Variants in TRPM2 observed in about 807,000 individuals in gnomAD.
TRPM2 encodes the protein estrogen-responsive element-associated gene 1 protein.
A neutral mutation model predicts 174.0 loss-of-function variants in TRPM2; 161 were observed. The ratio of observed to expected loss-of-function variants is 0.93; its 90% CI spans 0.81 to 1.05. The LOEUF is 1.05. TRPM2 is among the 50% of genes least tolerant of loss of function. The pLI, the probability that TRPM2 is intolerant of heterozygous loss-of-function variation, is 0.00. For synonymous variants in TRPM2, 954 were observed against 861.3 expected (o/e 1.11, Z -1.88); for missense variants, 2,057 against 2,038.0 (o/e 1.01, Z -0.18).
In TRPM2 at chr21:44,399,513, G is replaced by T; in HGVS notation, c.2208+72G>T. 1 of 1,536,914 alleles carries T rather than the reference G, an allele frequency of 6.5e-7. No individual in the cohort carries two copies. Among genetic ancestry groups the T allele is most frequent in the Non-Finnish European group, 8.8e-7 (1 of 1,141,614 alleles). ...GCAGGGCGGACACAGCCTCCTGTTC[G>T]TGCAGTTGGCACGCACACTCACACA... On this transcript the variant is annotated intron_variant, in intron 14 of 31. Transcript: ENST00000397928. This position sits in a 1 kb window ranked among gnomAD's most constrained non-coding sequence, Gnocchi z 4.6.
At chr21:44,400,820 C>A (rs2049592928) in intron 15 of TRPM2, among the ~76,000 whole-genome samples, 1 of 152,242 alleles carries the variant, frequency 6.6e-6, no homozygotes, top group African/African-American at 2.4e-5. Flanking sequence ...GAGGACACGG[C>A]TGGCCATGGT....
In TRPM2 at chr21:44,381,572, A is replaced by AGATG. The variant is rs776756954; in HGVS notation, c.1216-1130_1216-1127dup. 3.3e-5 allele frequency among the ~76,000 whole-genome samples: 5 copies of AGATG among 151,420 alleles called. No homozygotes were observed. In the East Asian group the frequency reaches 7.8e-4, roughly 24 times the overall value. On this transcript the variant is annotated intron_variant, in intron 8 of 31. Transcript: ENST00000397928. ...TGGGTAGCTAGATGATAGGTAGATT[A>AGATG]GATGGATGGATGGATGGATAGATAG... is the stretch of plus-strand genomic sequence containing the variant.
chr21:44,434,268 C>T lies in TRPM2; in HGVS notation c.3975-863C>T, dbSNP rs560325286. ...GTGGGGACGGTGGCGGGGACGCTGG[C>T]GGGGACTGTGGCAGAGACGCTGGCA... On this transcript the variant is annotated intron_variant, in intron 27 of 31. Transcript: ENST00000397928. Among the ~76,000 whole-genome samples the T allele has an allele frequency of 1.9e-4, 29 of 151,010 alleles. No individual in the cohort carries two copies. The South Asian group carries it at 2.3e-3, about 12-fold the overall frequency.
chr21:44,424,120 C>T (rs753960400), intron 23 of TRPM2, among the ~76,000 whole-genome samples: 7 of 152,088 alleles, frequency 4.6e-5, no homozygotes, highest in Non-Finnish European at 8.8e-5. Flanking sequence ...CTCCCACCAC[C>T]CCATCAACGT....
Position 44,441,907 on chromosome 21 carries a change from T to C in TRPM2, c.*90T>C, listed in dbSNP as rs1055540. ...TCCTGAGCCTGGCCAGGACTCAGGC[T>C]GTTCCTGGGCCCTGCACATGATGGG... On this transcript the variant is annotated 3_prime_UTR_variant, in exon 32 of 32. Transcript: ENST00000397928. 335,206 of 1,462,614 alleles carry C rather than the reference T, an allele frequency of 0.23. 40,446 individuals are homozygous for C. Among genetic ancestry groups the C allele is most frequent in the East Asian group, 0.37 (14,970 of 40,542 alleles). 90.6% of individuals were successfully genotyped at this position (1,462,614 alleles called of 1,614,324 possible). A position where few individuals can be genotyped will look rare whatever the true frequency, so the allele number is the denominator to read the frequency against.
In TRPM2 at chr21:44,379,053, C is replaced by T; in HGVS notation, c.1071C>T (p.Gly357=). ...CCTGTGTGGTTGTGGAGGGCTCGGG[C>T]CGCGTGGCCGACGTCATTGCCCAGG... ...GTPCVVVEGS[G]RVADVIAQVA... Residue 357 remains glycine, a synonymous_variant, in exon 8 of 32, where the codon GGC becomes GGT. Coordinates refer to ENST00000397928, the MANE Select transcript of TRPM2 (RefSeq NM_003307.4). 1 of 1,611,318 alleles carries T rather than the reference C, an allele frequency of 6.2e-7. No individual in the cohort carries two copies. Among genetic ancestry groups the T allele is most frequent in the Non-Finnish European group, 8.5e-7 (1 of 1,179,992 alleles).
chr21:44,415,376 A>G (rs571548471), intron 20 of TRPM2: 1 of 152,302 alleles, frequency 6.6e-6, no homozygotes, highest in African/African-American at 2.4e-5. Context: ...CGACATCATC[A>G]TGAGGGGCCG....
At position 44,379,185 on chromosome 21, in the gene TRPM2, G is replaced by A; in HGVS notation, c.1203G>A (p.Glu401=). 1 of 1,613,020 alleles carries A rather than the reference G, an allele frequency of 6.2e-7. No homozygotes were observed. Among genetic ancestry groups the A allele is most frequent in the Non-Finnish European group, 8.5e-7 (1 of 1,180,032 alleles). ...FETFTESRIV[E]WTKKIQDIVR... Reference sequence around the variant, plus strand: ...CCTTCACGGAAAGCAGGATTGTCGAGTGGACCAAAAAGGTGAGGCTGACGG... The same window carrying A: ...CCTTCACGGAAAGCAGGATTGTCGAATGGACCAAAAAGGTGAGGCTGACGG... The change falls in exon 8 of 32, where the codon GAG becomes GAA. Residue 401 remains glutamate, a synonymous_variant. Transcript: ENST00000397928.
intron 29 of TRPM2, among the ~76,000 whole-genome samples, chr21:44,437,370 G>A (rs1175360324): frequency 1.3e-5 from 2 of 152,192 alleles, no homozygotes; most frequent in African/African-American, 4.8e-5. Context: ...GGAAAACCCA[G>A]GATCAGAGGA....
intron 12 of TRPM2, among the ~76,000 whole-genome samples, chr21:44,396,549 G>C (rs1453197455): frequency 7.3e-5 from 2 of 27,392 alleles, no homozygotes; most frequent in East Asian, 1.3e-3. Flanking sequence ...CTGTGGAGGG[G>C]TGTGGAGGCT....
At chr21:44,435,882 C>T (rs1045552937) in intron 28 of TRPM2, among the ~76,000 whole-genome samples, 2 of 143,754 alleles carry the variant, frequency 1.4e-5, no homozygotes, top group African/African-American at 5.2e-5. Flanking sequence ...CACGGGGACA[C>T]AGCCCCACAC....
chr21:44,426,263 G>A (rs1053656910), intron 25 of TRPM2, among the ~76,000 whole-genome samples: 11 of 152,010 alleles, frequency 7.2e-5, no homozygotes, highest in African/African-American at 2.7e-4. Context: ...GGAGACCCCC[G>A]CCCTCCTGGT....
intron 13 of TRPM2, among the ~76,000 whole-genome samples, chr21:44,398,206 G>GTTTTTTTTTTTTTTTTTTTT (rs34051764): frequency 9.0e-5 from 13 of 144,768 alleles, no homozygotes; most frequent in African/African-American, 3.5e-4. Flanking sequence ...TTTGGAGACT[G>GTTTTTTTTTTTTTTTTTTTT]TTTTTTTTTT....
chr21:44,425,855 C>T (rs563521841), intron 25 of TRPM2, 28 bp downstream of exon 25: 316 of 1,523,554 alleles, frequency 2.1e-4, no homozygotes, highest in African/African-American at 2.8e-4. Context: ...CCCAACCAGG[C>T]GGAGTGGCCG....
rs943907222 is a variant in TRPM2 at position 44,354,299 on chromosome 21, G to T, written c.166-349G>T. On this transcript the variant is annotated intron_variant, in intron 1 of 31. Transcript: ENST00000397928. This position sits in a 1 kb window ranked among gnomAD's most constrained non-coding sequence, Gnocchi z 4.3. Reference sequence around the variant, plus strand: ...TTGCCAGGCAGGCAGGAGGGTGGCTGCCCTTTTTCCGATGGTGCAAGATCC... The same window carrying T: ...TTGCCAGGCAGGCAGGAGGGTGGCTTCCCTTTTTCCGATGGTGCAAGATCC... 6.6e-6 allele frequency among the ~76,000 whole-genome samples: 1 copy of T among 152,178 alleles called. No homozygotes were observed. Among genetic ancestry groups the T allele is most frequent in the Admixed American group, 6.5e-5 (1 of 15,276 alleles).
Position 44,418,117 on chromosome 21 carries a change from G to A in TRPM2, c.3328+9G>A, listed in dbSNP as rs2050379285. The stretch of plus-strand genomic sequence containing the variant: ...GAGGCACAAGCAGCTCAGTATGCCA[G>A]CCCCAGTGCCTCTCCTGAATGTCCT... On this transcript the variant is annotated intron_variant, in intron 21 of 31. Transcript: ENST00000397928. 6.2e-7 allele frequency: 1 copy of A among 1,604,586 alleles called. No individual in the cohort carries two copies. The highest frequency in any genetic ancestry group is 8.5e-7 in the Non-Finnish European group (1 of 1,175,160).
chr21:44,390,776 G>A, intron 9 of TRPM2, 128 bp from the exon 10 acceptor site: 1 of 1,288,488 alleles, frequency 7.8e-7, no homozygotes, highest in Non-Finnish European at 1.1e-6. Flanking sequence ...ACTGGGTGCT[G>A]CGCCTGTCAC....
chr21:44,377,355 C>T (rs566549383), intron 6 of TRPM2, among the ~76,000 whole-genome samples: 3 of 152,264 alleles, frequency 2.0e-5, no homozygotes, highest in East Asian at 3.9e-4. Flanking sequence ...GTCCATAGCC[C>T]CTCTCCCTCC....
At chr21:44,406,074 C>A (rs200929117) in intron 18 of TRPM2, 37 bp downstream of exon 18, 2 of 1,597,580 alleles carry the variant, frequency 1.3e-6, no homozygotes, top group Non-Finnish European at 1.7e-6. Context: ...TCGCGGCCTG[C>A]AGCCCAGGGT....
Sources: gnomAD v4.1 joint callset for allele counts (sites outside exome capture counted in the v4.1 genomes callset) on GRCh38, gnomAD v4.1.1 for gene constraint, Gnocchi (gnomAD v3.1) non-coding constraint, MANE v1.5 for transcripts, NCBI Gene and HGNC (gene_info 2026-07-23, HGNC 2026-07-21) for gene names.